ELMO1: variants seen among roughly 807,000 people sequenced by gnomAD.
The protein encoded by ELMO1 is engulfment and cell motility protein 1.
Under a neutral mutation model 98.9 loss-of-function variants are expected in ELMO1, and 26 were observed. The ratio of observed to expected loss-of-function variants is 0.26; its 90% confidence interval spans 0.19 to 0.36. The LOEUF is 0.36. Among genes scored for constraint, ELMO1 ranks in the 10% least tolerant of loss-of-function variants. The probability of loss-of-function intolerance (pLI) is 1.00; values close to 1 mark genes in which losing one functional copy is unlikely to be tolerated. For synonymous variants in ELMO1, 346 were observed against 346.0 expected (o/e 1.00, Z 0.00); for missense variants, 627 against 935.2 (o/e 0.67, Z 4.30).
chr7:36,976,558 A>G (rs770307666), intron 16 of ELMO1, among the ~76,000 whole-genome samples: 16 of 152,216 alleles, frequency 1.1e-4, no homozygotes, highest in Non-Finnish European at 1.8e-4. Flanking sequence ...TCTTAACGTG[A>G]CAGGGACCCA....
At chr7:37,065,875 G>A (rs541278556) in intron 15 of ELMO1, among the ~76,000 whole-genome samples, 8 of 152,148 alleles carry the variant, frequency 5.3e-5, no homozygotes, top group Non-Finnish European at 1.2e-4. Context: ...TGGTTTGGCT[G>A]TGTCCCCACC....
At chr7:37,099,970 A>C (rs1328255979) in intron 14 of ELMO1, among the ~76,000 whole-genome samples, 1 of 152,088 alleles carries the variant, frequency 6.6e-6, no homozygotes, top group Non-Finnish European at 1.5e-5. Context: ...AGTAGCTGGA[A>C]TTACAAGAGC....
intron 4 of ELMO1, among the ~76,000 whole-genome samples, chr7:37,290,673 T>C (rs753167208): frequency 5.3e-5 from 8 of 152,190 alleles, no homozygotes; most frequent in Admixed American, 1.3e-4. Flanking sequence ...AAGAATATTC[T>C]AATAAATAGA....
chr7:37,141,594 T>C (rs1787645482), intron 13 of ELMO1, among the ~76,000 whole-genome samples: 1 of 152,228 alleles, frequency 6.6e-6, no homozygotes, highest in Non-Finnish European at 1.5e-5. Flanking sequence ...CAAGTTGTTT[T>C]TCCCACAGGT....
intron 14 of ELMO1, among the ~76,000 whole-genome samples, chr7:37,108,360 A>G (rs1785054390): frequency 6.6e-6 from 1 of 151,928 alleles, no homozygotes; most frequent in South Asian, 2.1e-4. Flanking sequence ...ACCTGTCTCA[A>G]TTTTCCCTCT....
At chr7:36,917,857 A>G (rs751528203) in intron 16 of ELMO1, among the ~76,000 whole-genome samples, 1 of 152,240 alleles carries the variant, frequency 6.6e-6, no homozygotes, top group African/African-American at 2.4e-5. Context: ...GGGAAGATAT[A>G]AACAAAATGG....
chr7:37,093,104 T>G lies in ELMO1; in HGVS notation c.1300+3515A>C, dbSNP rs1784206285. On this transcript the variant is annotated intron_variant, in intron 15 of 21. Transcript: ENST00000310758. ...GCTCTGAGAATGTAAATAGACATTA[T>G]TTTGGACCACGCTATTAGAGGTAAC... Among the ~76,000 whole-genome samples, 6 of 152,232 alleles carry G rather than the reference T, an allele frequency of 3.9e-5. No homozygotes were observed. The South Asian group carries it at 1.2e-3, about 32-fold the overall frequency.
At chr7:37,425,412 TG>T (rs1804657721) in intron 1 of ELMO1, among the ~76,000 whole-genome samples, 1 of 152,214 alleles carries the variant, frequency 6.6e-6, no homozygotes, top group South Asian at 2.1e-4. Context: ...CATAAGAATT[TG>T]GAGGCGTGGG....
At chr7:37,181,257 A>G (rs2129990873) in intron 13 of ELMO1, among the ~76,000 whole-genome samples, 2 of 152,184 alleles carry the variant, frequency 1.3e-5, no homozygotes, top group Middle Eastern at 6.8e-3. Context: ...TCCCTAAAAC[A>G]GGGGTCAACT....
At chr7:36,927,472 A>T (rs758719497) in intron 16 of ELMO1, among the ~76,000 whole-genome samples, 12 of 152,244 alleles carry the variant, frequency 7.9e-5, no homozygotes, top group Non-Finnish European at 1.6e-4. Flanking sequence ...CTGCTGCTCA[A>T]CAGCAAAACC....
intron 16 of ELMO1, among the ~76,000 whole-genome samples, chr7:36,936,115 C>A (rs1786507700): frequency 1.3e-5 from 2 of 152,116 alleles, no homozygotes. Flanking sequence ...AGTGCAACTC[C>A]TTTTACTGTG....
intron 15 of ELMO1, among the ~76,000 whole-genome samples, chr7:37,092,986 T>C (rs183916066): frequency 6.6e-6 from 1 of 151,548 alleles, no homozygotes; most frequent in East Asian, 1.9e-4. Flanking sequence ...TAGGTGCAAG[T>C]AAGTCTTCCC....
chr7:37,057,620 C>T (rs1304970102), intron 15 of ELMO1, among the ~76,000 whole-genome samples: 2 of 152,200 alleles, frequency 1.3e-5, no homozygotes, highest in African/African-American at 4.8e-5. Context: ...ACCACCTTAG[C>T]CCAGCAAATT....
intron 4 of ELMO1, among the ~76,000 whole-genome samples, chr7:37,295,776 G>GT (rs1797997147): frequency 6.6e-6 from 1 of 152,128 alleles, no homozygotes; most frequent in South Asian, 2.1e-4. Context: ...ACATTAATAT[G>GT]TTTTTTGAGC....
intron 16 of ELMO1, among the ~76,000 whole-genome samples, chr7:36,929,869 T>C (rs771313733): frequency 2.6e-5 from 4 of 152,160 alleles, no homozygotes; most frequent in South Asian, 2.1e-4. Flanking sequence ...ACTCCCAAAG[T>C]ATAAGTAAAG....
chr7:37,046,004 T>C (rs889537283), intron 15 of ELMO1, among the ~76,000 whole-genome samples: 1 of 152,152 alleles, frequency 6.6e-6, no homozygotes, highest in African/African-American at 2.4e-5. Flanking sequence ...GGCTGTCTCA[T>C]GGGAGGCAGG....
intron 16 of ELMO1, 40 bp downstream of exon 16, chr7:37,013,259 G>A (rs200601593): frequency 5.3e-5 from 86 of 1,610,470 alleles, no homozygotes; most frequent in South Asian, 1.2e-4. Context: ...CCCCTTTAGC[G>A]CTGCGGGAAT....
At chr7:37,314,961 G>C in intron 3 of ELMO1, 39 bp from the exon 4 acceptor site, 1 of 1,572,836 alleles carries the variant, frequency 6.4e-7, no homozygotes, top group Non-Finnish European at 8.7e-7. Flanking sequence ...AAAAATGAAA[G>C]TGGCCATTTT....
chr7:36,992,946 C>T (rs996365919), intron 16 of ELMO1, among the ~76,000 whole-genome samples: 5 of 152,236 alleles, frequency 3.3e-5, no homozygotes, highest in African/African-American at 1.2e-4. Flanking sequence ...CTATGCATTC[C>T]GGTCTCCTGT....
Sources: allele counts gnomAD v4.1 joint callset (sites outside exome capture counted in the v4.1 genomes callset), GRCh38; gene constraint gnomAD v4.1.1; transcripts MANE v1.5; gene names NCBI Gene and HGNC (gene_info 2026-07-23, HGNC 2026-07-21).